The following ANGPT1 variants were observed in gnomAD, a reference collection of about 807,000 sequenced individuals.
ANGPT1 encodes angiopoietin-1.
ANGPT1 carries 17 observed loss-of-function variants against 62.2 expected under a neutral mutation model. The ratio of observed to expected loss-of-function variants is 0.27; its 90% CI spans 0.19 to 0.41. The LOEUF (loss-of-function observed/expected upper bound fraction) is 0.41, where lower values mean the gene tolerates loss of function less well. Ranked by LOEUF, ANGPT1 falls within the 10% of genes least tolerant of loss-of-function variation. The probability of loss-of-function intolerance (pLI) is 1.00; values close to 1 mark genes in which losing one functional copy is unlikely to be tolerated. For missense variants in ANGPT1, 478 were observed against 594.9 expected (o/e 0.80, Z 2.04); for synonymous variants, 199 against 198.9 (o/e 1.00, Z 0.00).
At chr8:107,427,092 A>G (rs948167879) in intron 1 of ANGPT1, among the ~76,000 whole-genome samples, 1 of 152,112 alleles carries the variant, frequency 6.6e-6, no homozygotes, top group Non-Finnish European at 1.5e-5. Flanking sequence ...TTCCCCATGC[A>G]CTCCCTTTTC....
At chr8:107,389,935 TA>T (rs375965920) in intron 1 of ANGPT1, among the ~76,000 whole-genome samples, 15,550 of 135,102 alleles carry the variant, frequency 0.12, 833 homozygotes, top group Non-Finnish European at 0.14. Context: ...GGTTTCTTCC[TA>T]AAAAAAAAAA....
chr8:107,422,234 G>A (rs1810912566), intron 1 of ANGPT1, among the ~76,000 whole-genome samples: 1 of 152,106 alleles, frequency 6.6e-6, no homozygotes, highest in Non-Finnish European at 1.5e-5. Context: ...GCAGTTACAT[G>A]GCAAGCAATC....
rs543094579 is a variant in ANGPT1, at chr8:107,455,481, T to A, written c.297+41781A>T. Among the ~76,000 whole-genome samples the A allele has an allele frequency of 2.0e-5, 3 of 152,128 alleles. No homozygotes were observed. In the East Asian group the frequency reaches 5.8e-4, roughly 29 times the overall value. ...ACATTTTATGTTTAATAACTATCACTGAATGTCCTGGCAATGTGGTGAATA... is the reference window on the plus strand; with the variant it reads ...ACATTTTATGTTTAATAACTATCACAGAATGTCCTGGCAATGTGGTGAATA... On this transcript the variant is annotated intron_variant, in intron 1 of 8. Coordinates refer to ENST00000517746, the MANE Select transcript of ANGPT1 (RefSeq NM_001146.5).
intron 7 of ANGPT1, among the ~76,000 whole-genome samples, chr8:107,274,352 C>G (rs1813809785): frequency 6.6e-6 from 1 of 152,000 alleles, no homozygotes; most frequent in Non-Finnish European, 1.5e-5. Flanking sequence ...ACTCTGATTT[C>G]AAAAGAACTA....
intron 1 of ANGPT1, among the ~76,000 whole-genome samples, chr8:107,412,736 A>G (rs1418199900): frequency 6.6e-6 from 1 of 152,156 alleles, no homozygotes; most frequent in Non-Finnish European, 1.5e-5. Context: ...TACAAAAAAT[A>G]TGATGAGTGT....
chr8:107,405,778 C>G (rs1817136502), intron 1 of ANGPT1, among the ~76,000 whole-genome samples: 1 of 151,740 alleles, frequency 6.6e-6, no homozygotes, highest in South Asian at 2.1e-4. Context: ...AATGTGTTAG[C>G]CAGGTCTTTA....
chr8:107,430,683 T>C (rs1183550685), intron 1 of ANGPT1, among the ~76,000 whole-genome samples: 1 of 152,158 alleles, frequency 6.6e-6, no homozygotes, highest in Non-Finnish European at 1.5e-5. Flanking sequence ...AGCAAGAGGT[T>C]ATACTGATGC....
chr8:107,319,629 A>G (rs111573344), intron 4 of ANGPT1, among the ~76,000 whole-genome samples: 3,965 of 152,076 alleles, frequency 0.026, 176 homozygotes, highest in African/African-American at 0.09. Context: ...TGTGTTTTAG[A>G]ATTTGAATAA....
intron 1 of ANGPT1, among the ~76,000 whole-genome samples, chr8:107,383,277 A>C (rs902789480): frequency 6.6e-6 from 1 of 152,058 alleles, no homozygotes; most frequent in Non-Finnish European, 1.5e-5. Flanking sequence ...GCCAAAAAGA[A>C]AGTGATTCAA....
intron 4 of ANGPT1, among the ~76,000 whole-genome samples, chr8:107,309,617 G>A (rs958903922): frequency 1.3e-5 from 2 of 152,162 alleles, no homozygotes; most frequent in African/African-American, 4.8e-5. Flanking sequence ...GTAGGTATAG[G>A]GGTGAGGGAT....
chr8:107,315,334 A>C (rs1814988816), intron 4 of ANGPT1, among the ~76,000 whole-genome samples: 1 of 152,124 alleles, frequency 6.6e-6, no homozygotes, highest in African/African-American at 2.4e-5. Flanking sequence ...ACTTATTTTT[A>C]AGTTTCCTCT....
intron 4 of ANGPT1, among the ~76,000 whole-genome samples, chr8:107,310,837 C>CA (rs1396030045): frequency 2.0e-5 from 3 of 152,096 alleles, no homozygotes; most frequent in African/African-American, 7.2e-5. Context: ...GTTGGTCTCC[C>CA]AGCCTACGGA....
chr8:107,341,091 C>A (rs1815686686), intron 2 of ANGPT1, among the ~76,000 whole-genome samples: 1 of 152,082 alleles, frequency 6.6e-6, no homozygotes, highest in Non-Finnish European at 1.5e-5. Context: ...TATCGAGATG[C>A]AGTGATATGG....
At chr8:107,283,920 A>G (rs1328918369) in intron 7 of ANGPT1, 1 of 152,200 alleles carries the variant, frequency 6.6e-6, no homozygotes, top group Admixed American at 6.5e-5. Context: ...GACGTCTGTA[A>G]GACCAGCGCC....
Position 107,322,049 on chromosome 8 carries a change from G to T in ANGPT1, c.655C>A (p.Leu219Ile), listed in dbSNP as rs756912018. 1 of 1,613,784 alleles carries T rather than the reference G, an allele frequency of 6.2e-7. No homozygotes were observed. The highest frequency in any genetic ancestry group is 8.5e-7 in the Non-Finnish European group (1 of 1,179,916). Residue 219 changes from leucine to isoleucine, a missense_variant, in exon 4 of 9, where the codon CTT becomes ATT. Leu to Ile is a conservative substitution (Grantham distance 5, BLOSUM62 2). Coordinates refer to ENST00000517746, the MANE Select transcript of ANGPT1 (RefSeq NM_001146.5). ...LDTLKEEKEN[L>I]QGLVTRQTYI... ...GTTTGACGAGTAACCAAGCCTTGAAGGTTCTCTTTCTCTTCCTTTAAGGTG... is the reference window on the plus strand; with the variant it reads ...GTTTGACGAGTAACCAAGCCTTGAATGTTCTCTTTCTCTTCCTTTAAGGTG...
rs922757820 is a variant in ANGPT1, at chr8:107,392,313, G to A, written c.298-45216C>T. On this transcript the variant is annotated intron_variant, in intron 1 of 8. Transcript: ENST00000517746. ...ATGAAATAAATTTGCACCCATTCCA[G>A]TGTATTAGAATATGTCTTTTCCCAT... 3.9e-5 allele frequency among the ~76,000 whole-genome samples: 6 copies of A among 152,062 alleles called. 1 individual carries two copies. The highest frequency in any genetic ancestry group is 3.3e-4 in the Admixed American group (5 of 15,260).
chr8:107,272,298 TG>T (rs1159492152), intron 7 of ANGPT1, among the ~76,000 whole-genome samples: 2 of 152,030 alleles, frequency 1.3e-5, no homozygotes, highest in Non-Finnish European at 2.9e-5. Flanking sequence ...TCACCCCAAA[TG>T]ATGAAAAATC....
At position 107,370,340 on chromosome 8, in the gene ANGPT1, A is replaced by AAAAGAAAG. The variant is rs71308727; in HGVS notation, c.298-23251_298-23244dup. 8.6e-3 allele frequency among the ~76,000 whole-genome samples: 469 copies of AAAAGAAAG among 54,408 alleles called. 29 individuals carry two copies. The highest frequency in any genetic ancestry group is 0.018 in the African/African-American group (255 of 14,128). The allele number at this position is 54,408 out of a possible 152,430, so 35.7% of individuals were successfully genotyped here. ...GAAGGAAAGAGAAAGGAAAGAAAGA[A>AAAAGAAAG]AAAGAAAGAAAGAAAGAAAGAAAGA... On this transcript the variant is annotated intron_variant, in intron 1 of 8. Transcript: ENST00000517746.
At position 107,341,804 on chromosome 8, in the gene ANGPT1, C is replaced by T. The variant is rs540935940; in HGVS notation, c.453+5138G>A. ...AATGCTCAGTAGAGTCAGAATGCAA[C>T]CCAGAGAGTCTATCTCCGGAGTCTG... On this transcript the variant is annotated intron_variant, in intron 2 of 8. Coordinates refer to ENST00000517746, the MANE Select transcript of ANGPT1 (RefSeq NM_001146.5). 6.6e-5 allele frequency among the ~76,000 whole-genome samples: 10 copies of T among 152,004 alleles called. No individual in the cohort carries two copies. The East Asian group carries it at 1.5e-3, about 24-fold the overall frequency.
Sources: gnomAD v4.1 joint callset for allele counts (sites outside exome capture counted in the v4.1 genomes callset) on GRCh38, gnomAD v4.1.1 for gene constraint, MANE v1.5 for transcripts, NCBI Gene and HGNC (gene_info 2026-07-23, HGNC 2026-07-21) for gene names.